TAB2: variants seen among roughly 807,000 people sequenced by gnomAD.
TAB2 encodes TGF-beta-activated kinase 1 and MAP3K7-binding protein 2.
A neutral mutation model predicts 65.0 loss-of-function variants in TAB2; 3 were observed. The observed-to-expected ratio is 0.05, with a 90% CI of 0.02 to 0.12. TAB2 has a LOEUF of 0.12. Ranked by LOEUF, TAB2 falls within the 10% of genes least tolerant of loss-of-function variation. The probability of loss-of-function intolerance (pLI) is 1.00; values close to 1 mark genes in which losing one functional copy is unlikely to be tolerated. For synonymous variants in TAB2, 298 were observed against 285.1 expected (o/e 1.05, Z -0.46); for missense variants, 623 against 840.3 (o/e 0.74, Z 3.20).
intron 3 of TAB2, among the ~76,000 whole-genome samples, chr6:149,384,392 A>G (rs567973848): frequency 2.6e-4 from 39 of 152,306 alleles, no homozygotes; most frequent in African/African-American, 9.1e-4. Flanking sequence ...AAAGAAGTAA[A>G]TTAATGAAAC....
intron 2 of TAB2, among the ~76,000 whole-genome samples, chr6:149,371,276 A>G (rs1781218667): frequency 1.3e-5 from 2 of 152,142 alleles, no homozygotes. Context: ...TCTCCAATCT[A>G]TCCTCTTCTG....
chr6:149,358,795 T>C (rs1299398887), intron 1 of TAB2, among the ~76,000 whole-genome samples: 1 of 152,024 alleles, frequency 6.6e-6, no homozygotes, highest in African/African-American at 2.4e-5. Context: ...GTATTTTCAT[T>C]CTGTTTCTCA....
rs73611041 is a variant in TAB2 at position 149,319,055 on chromosome 6, G to A, written c.-90+1040G>A. Among the ~76,000 whole-genome samples, 765 of 152,238 alleles carry A rather than the reference G, an allele frequency of 5.0e-3. 6 individuals are homozygous for A. Among genetic ancestry groups the A allele is most frequent in the African/African-American group, 0.018 (744 of 41,530 alleles). ...AAGATCGTATTCAGAGCAACTGTAC[G>A]GCAATATAATTTTGCATCCATTTTG... On this transcript the variant is annotated intron_variant, in intron 1 of 6. Coordinates refer to ENST00000637181, the MANE Select transcript of TAB2 (RefSeq NM_001292034.3).
chr6:149,369,921 C>G lies in TAB2; in HGVS notation c.-77C>G. ...CTTTCTTTCACAGAAAATGCTTGGA[C>G]AGAAGAGATGAGTACTATTTCCACT... On this transcript the variant is annotated 5_prime_UTR_variant, in exon 2 of 7. Transcript: ENST00000637181. The G allele has an allele frequency of 8.0e-7, 1 of 1,251,588 alleles. No homozygotes were observed. Among genetic ancestry groups the G allele is most frequent in the South Asian group, 1.2e-5 (1 of 83,548 alleles). The allele number at this position is 1,251,588 out of a possible 1,614,324, so 77.5% of individuals were successfully genotyped here. A position where few individuals can be genotyped will look rare whatever the true frequency, so the allele number is the denominator to read the frequency against.
rs374224344 is a variant in TAB2 at position 149,224,967 on chromosome 6, A to T, written c.-121+6191A>T. Among the ~76,000 whole-genome samples the T allele has an allele frequency of 6.4e-4, 98 of 152,340 alleles. 1 individual carries two copies. In the South Asian group the frequency reaches 0.019, roughly 30 times the overall value. ...ATGTATATAAAGGATGTTGGAATTA[A>T]TTGGTCTCTTTCTGGAATTTGTGTT... On this transcript the variant is annotated intron_variant, in intron 1 of 1. Transcript: ENST00000606202.
At chr6:149,367,311 A>G (rs1384361737) in intron 1 of TAB2, among the ~76,000 whole-genome samples, 1 of 152,164 alleles carries the variant, frequency 6.6e-6, no homozygotes, top group South Asian at 2.1e-4. Flanking sequence ...CATTTGATCA[A>G]CATTCTTAAT....
At chr6:149,247,780 C>T (rs1260063607) in intron 1 of TAB2, 1 of 152,098 alleles carries the variant, frequency 6.6e-6, no homozygotes, top group Non-Finnish European at 1.5e-5. Context: ...TCCAGTCATC[C>T]GGAGGCCGCC....
At chr6:149,232,537 A>C (rs1040408297) in intron 1 of TAB2, among the ~76,000 whole-genome samples, 2 of 152,068 alleles carry the variant, frequency 1.3e-5, no homozygotes, top group Non-Finnish European at 2.9e-5. Context: ...CAGGAGCTTG[A>C]TATATTAACA....
At chr6:149,288,089 G>A (rs535675850) in intron 1 of TAB2, among the ~76,000 whole-genome samples, 4 of 152,130 alleles carry the variant, frequency 2.6e-5, no homozygotes, top group Non-Finnish European at 5.9e-5. Flanking sequence ...CCTTTACTAT[G>A]GGCCTAGTAC....
intron 1 of TAB2, among the ~76,000 whole-genome samples, chr6:149,325,983 C>A (rs1341496004): frequency 6.6e-6 from 1 of 152,184 alleles, no homozygotes; most frequent in African/African-American, 2.4e-5. Context: ...AAGGAATCAT[C>A]TTGCCTTGGC....
At chr6:149,254,088 A>AG (rs752833277) in intron 1 of TAB2, among the ~76,000 whole-genome samples, 6 of 108,464 alleles carry the variant, frequency 5.5e-5, no homozygotes, top group Admixed American at 1.1e-4. Context: ...GAAGGAAGGA[A>AG]GGAAGGAAGG....
intron 1 of TAB2, among the ~76,000 whole-genome samples, chr6:149,340,066 T>C (rs1238338634): frequency 6.6e-6 from 1 of 152,228 alleles, no homozygotes; most frequent in Non-Finnish European, 1.5e-5. Flanking sequence ...ATAAGGGTGT[T>C]GGACTAGATA....
intron 1 of TAB2, among the ~76,000 whole-genome samples, chr6:149,274,369 T>C (rs2121348): frequency 0.2 from 30,816 of 152,214 alleles, 3,375 homozygotes; most frequent in East Asian, 0.43. Flanking sequence ...ATAACTCTAA[T>C]TGAAAGCAGC....
intron 1 of TAB2, chr6:149,321,073 A>T (rs1264725228): frequency 3.9e-5 from 6 of 152,246 alleles, no homozygotes; most frequent in African/African-American, 1.4e-4. Flanking sequence ...GGCAGCTAGG[A>T]ATGTGGAGAT....
At chr6:149,391,585 G>C (rs894578306) in intron 3 of TAB2, among the ~76,000 whole-genome samples, 2 of 152,070 alleles carry the variant, frequency 1.3e-5, no homozygotes, top group Non-Finnish European at 2.9e-5. Flanking sequence ...GGTTGCCCAG[G>C]CTGTAGAGTA....
chr6:149,341,328 T>C (rs562049510), intron 1 of TAB2, among the ~76,000 whole-genome samples: 1 of 152,324 alleles, frequency 6.6e-6, no homozygotes, highest in East Asian at 1.9e-4. Flanking sequence ...TGTCTTAGAA[T>C]GTGATTATAG....
At chr6:149,277,970 A>T (rs1387097222) in intron 1 of TAB2, among the ~76,000 whole-genome samples, 1 of 152,334 alleles carries the variant, frequency 6.6e-6, no homozygotes, top group African/African-American at 2.4e-5. Context: ...CATATTAATG[A>T]TATAAATTAA....
chr6:149,306,421 G>A (rs1444839135), intron 1 of TAB2, among the ~76,000 whole-genome samples: 1 of 151,782 alleles, frequency 6.6e-6, no homozygotes, highest in Non-Finnish European at 1.5e-5. Flanking sequence ...GTGGTGGCGG[G>A]CACCTGTAGT....
intron 1 of TAB2, among the ~76,000 whole-genome samples, chr6:149,366,268 C>CTT (rs1781036976): frequency 6.6e-6 from 1 of 152,168 alleles, no homozygotes; most frequent in Admixed American, 6.6e-5. Flanking sequence ...CTTGACTACA[C>CTT]TTAAAGTATA....
Sources: allele counts gnomAD v4.1 joint callset (sites outside exome capture counted in the v4.1 genomes callset), GRCh38; gene constraint gnomAD v4.1.1; transcripts MANE v1.5; gene names NCBI Gene and HGNC (gene_info 2026-07-23, HGNC 2026-07-21).